The following PUDP variants were observed in gnomAD, a reference collection of about 807,000 sequenced individuals.
PUDP encodes pseudouridine-5'-phosphatase.
Under a neutral mutation model 9.4 loss-of-function variants are expected in PUDP, and 8 were observed. The ratio of observed to expected loss-of-function variants is 0.85; its 90% CI spans 0.50 to 1.53. The LOEUF (loss-of-function observed/expected upper bound fraction) is 1.53, where lower values mean the gene tolerates loss of function less well. Ranked by LOEUF, PUDP falls within the 40% of genes most tolerant of loss-of-function variation. The pLI, the probability that PUDP is intolerant of heterozygous loss-of-function variation, is 0.00. For missense variants in PUDP, 188 were observed against 189.7 expected, an observed-to-expected ratio of 0.99 and a Z score of 0.05; for synonymous variants, 99 against 80.7, an observed-to-expected ratio of 1.23 and a Z score of -1.22.
intron 3 of PUDP, among the ~76,000 whole-genome samples, chrX:6,763,068 G>A (rs1394278796): frequency 1.8e-5 from 2 of 112,372 alleles, no homozygotes; most frequent in Non-Finnish European, 3.8e-5. Context: ...TTTACATGTT[G>A]AAATAGCTTT....
rs904877402 is a variant in PUDP at position 6,743,219 on chromosome X, T to C, written c.*248-36753A>G. ...ATTGCAGTGACTGTCTCTATCATTA[T>C]TGCATGGTTCCCATAAGACGTGGTT... On this transcript the variant is annotated intron_variant and NMD_transcript_variant, in intron 3 of 3. Coordinates refer to the PUDP transcript ENST00000655425. Among the ~76,000 whole-genome samples, 8 of 112,488 alleles carry C rather than the reference T, an allele frequency of 7.1e-5. No individual in the cohort carries two copies. In the East Asian group the frequency reaches 2.0e-3, roughly 27 times the overall value.
At chrX:7,099,391 A>AT (rs1375337411) in intron 2 of PUDP, among the ~76,000 whole-genome samples, 1 of 112,322 alleles carries the variant, frequency 8.9e-6, no homozygotes, top group Non-Finnish European at 1.9e-5. Flanking sequence ...AACCACATGC[A>AT]TTTTTTCCTC....
chrX:6,931,812 C>T (rs911624953), intron 3 of PUDP, among the ~76,000 whole-genome samples: 1 of 110,998 alleles, frequency 9.0e-6, no homozygotes, highest in Non-Finnish European at 1.9e-5. Context: ...TGTCCCTTTT[C>T]GGTTCTTCCC....
chrX:7,059,017 T>C (rs911371578), intron 3 of PUDP, among the ~76,000 whole-genome samples: 4 of 111,692 alleles, frequency 3.6e-5, no homozygotes, highest in African/African-American at 1.3e-4. Context: ...ATAAAACCAT[T>C]ATTGATATAA....
chrX:6,939,775 A>G (rs1361786653), intron 3 of PUDP, among the ~76,000 whole-genome samples: 1 of 108,314 alleles, frequency 9.2e-6, no homozygotes, highest in Admixed American at 1.0e-4. Context: ...ATCATAGCTC[A>G]TATGATCGCT....
intron 3 of PUDP, among the ~76,000 whole-genome samples, chrX:7,051,145 C>A (rs1930090186): frequency 9.0e-6 from 1 of 111,391 alleles, no homozygotes; most frequent in Non-Finnish European, 1.9e-5. Context: ...ATGGAACCAA[C>A]CTAAGTGCCC....
At chrX:6,962,395 T>C (rs1349005419) in intron 3 of PUDP, among the ~76,000 whole-genome samples, 1 of 106,288 alleles carries the variant, frequency 9.4e-6, no homozygotes, top group Non-Finnish European at 2.0e-5. Flanking sequence ...TAATCCCTTA[T>C]ATTCTGTCTA....
At chrX:6,932,776 C>T (rs1457084459) in intron 3 of PUDP, among the ~76,000 whole-genome samples, 2 of 112,121 alleles carry the variant, frequency 1.8e-5, no homozygotes, top group East Asian at 2.9e-4. Context: ...GAATACTGCG[C>T]TTTTCAGACG....
intron 3 of PUDP, among the ~76,000 whole-genome samples, chrX:6,835,020 A>G (rs191666119): frequency 8.0e-4 from 89 of 111,375 alleles, no homozygotes; most frequent in African/African-American, 2.4e-3. Context: ...GGTGGGCTCC[A>G]TGTAATACCG....
At chrX:7,027,885 CTA>C (rs58464210) in intron 1 of PUDP, among the ~76,000 whole-genome samples, 30,305 of 92,824 alleles carry the variant, frequency 0.33, 4,150 homozygotes, top group Middle Eastern at 0.39. Flanking sequence ...ATATTATTTT[CTA>C]TATATAGACT....
intron 3 of PUDP, among the ~76,000 whole-genome samples, chrX:6,788,683 CA>C (rs1239163235): frequency 3.6e-5 from 4 of 111,937 alleles, no homozygotes; most frequent in African/African-American, 1.3e-4. Flanking sequence ...GCAGCCTGGG[CA>C]ACAGAGCCAG....
chrX:7,122,634 T>C (rs989298579), intron 1 of PUDP, among the ~76,000 whole-genome samples: 3 of 111,754 alleles, frequency 2.7e-5, no homozygotes, highest in Non-Finnish European at 5.6e-5. Context: ...AGAGTCAAGC[T>C]TTTTTCCAGG....
chrX:6,768,651 T>G (rs1290299483), intron 3 of PUDP, among the ~76,000 whole-genome samples: 1 of 112,120 alleles, frequency 8.9e-6, no homozygotes. Flanking sequence ...AATTAAAGTC[T>G]TTTAAAAATT....
At chrX:6,885,542 TC>T (rs1927410087) in intron 3 of PUDP, among the ~76,000 whole-genome samples, 2 of 112,142 alleles carry the variant, frequency 1.8e-5, no homozygotes, top group African/African-American at 3.2e-5. Flanking sequence ...CATCCAATGG[TC>T]CCTGTTTATA....
At chrX:7,127,056 A>C (rs1388962982) in intron 1 of PUDP, among the ~76,000 whole-genome samples, 1 of 112,184 alleles carries the variant, frequency 8.9e-6, no homozygotes, top group Admixed American at 9.5e-5. Flanking sequence ...CCTGCTATGC[A>C]GAGTGTACCT....
At chrX:6,981,217 G>T (rs1027211863) in intron 1 of PUDP, among the ~76,000 whole-genome samples, 3 of 111,895 alleles carry the variant, frequency 2.7e-5, no homozygotes, top group African/African-American at 9.7e-5. Context: ...GCCAGTTGGT[G>T]GGGGGTAATT....
chrX:6,998,999 C>T (rs998402120), intron 1 of PUDP, among the ~76,000 whole-genome samples: 2 of 111,404 alleles, frequency 1.8e-5, no homozygotes, highest in South Asian at 3.8e-4. Flanking sequence ...TAGAGGGACA[C>T]GCTCTGTATT....
chrX:6,720,123 T>C lies in PUDP; in HGVS notation n.128+1294A>G, dbSNP rs756076264. Among the ~76,000 whole-genome samples the C allele has an allele frequency of 7.6e-5, 8 of 104,833 alleles. No individual in the cohort carries two copies. In the South Asian group the frequency reaches 3.0e-3, roughly 39 times the overall value. The allele number at this position is 104,833 out of a possible 115,157, so 91.0% of individuals were successfully genotyped here. On this transcript the variant is annotated intron_variant and non_coding_transcript_variant, in intron 1 of 2. Coordinates refer to the PUDP transcript ENST00000438499. Reference sequence around the variant, plus strand: ...ATACATACATATATACATTTATTCATATATATATATACGTGTGTATATATA... The same window carrying C: ...ATACATACATATATACATTTATTCACATATATATATACGTGTGTATATATA...
At chrX:7,050,606 G>A (rs1056179405) in intron 3 of PUDP, 134 bp from the exon 4 acceptor site, 14 of 589,251 alleles carry the variant, frequency 2.4e-5, no homozygotes, top group Admixed American at 1.0e-4. Flanking sequence ...GCTCCCCAGA[G>A]TAGAGATTGT....
Sources: gnomAD v4.1 joint callset for allele counts (sites outside exome capture counted in the v4.1 genomes callset) on GRCh38, gnomAD v4.1.1 for gene constraint, MANE v1.5 for transcripts, NCBI Gene and HGNC (gene_info 2026-07-23, HGNC 2026-07-21) for gene names.